ROR1: variants seen among roughly 807,000 people sequenced by gnomAD.
ROR1 encodes inactive tyrosine-protein kinase transmembrane receptor ROR1.
Under a neutral mutation model 78.8 loss-of-function variants are expected in ROR1, and 19 were observed. The observed-to-expected ratio is 0.24, with a 90% CI of 0.17 to 0.35. The LOEUF is 0.35. Ranked by LOEUF, ROR1 falls within the 10% of genes least tolerant of loss-of-function variation. The pLI is 1.00. For synonymous variants in ROR1, 386 were observed against 433.6 expected (o/e 0.89, Z 1.36); for missense variants, 917 against 1,177.8 (o/e 0.78, Z 3.24).
chr1:63,932,744 G>A (rs1479525652), intron 1 of ROR1, among the ~76,000 whole-genome samples: 1 of 152,216 alleles, frequency 6.6e-6, no homozygotes, highest in African/African-American at 2.4e-5. Context: ...AAGTGACAGA[G>A]GCAGGATTTG....
intron 2 of ROR1, 36 bp downstream of exon 2, chr1:64,009,412 G>A: frequency 6.6e-7 from 1 of 1,504,566 alleles, no homozygotes; most frequent in East Asian, 2.3e-5. Context: ...GGCGAGGAAA[G>A]AGGTGTGGAA....
intron 1 of ROR1, among the ~76,000 whole-genome samples, chr1:63,975,305 C>T (rs1039260959): frequency 2.6e-5 from 4 of 152,072 alleles, no homozygotes; most frequent in East Asian, 3.9e-4. Flanking sequence ...TACTATAGTT[C>T]GATGGTACGA....
At chr1:63,919,724 A>G (rs1199181348) in intron 1 of ROR1, among the ~76,000 whole-genome samples, 1 of 152,152 alleles carries the variant, frequency 6.6e-6, no homozygotes, top group Non-Finnish European at 1.5e-5. Flanking sequence ...GGATCATAAT[A>G]GTGCCGCCGT....
chr1:64,028,414 G>A (rs893244762), intron 2 of ROR1, among the ~76,000 whole-genome samples: 4 of 152,266 alleles, frequency 2.6e-5, no homozygotes, highest in African/African-American at 4.8e-5. Flanking sequence ...ATGCATGGGC[G>A]TTTGCTAAAT....
At chr1:63,861,897 C>T (rs545873418) in intron 1 of ROR1, among the ~76,000 whole-genome samples, 1 of 152,172 alleles carries the variant, frequency 6.6e-6, no homozygotes, top group South Asian at 2.1e-4. Context: ...GACGCCTTTC[C>T]TGACAAGTCT....
chr1:63,915,320 T>C (rs1645600753), intron 1 of ROR1, among the ~76,000 whole-genome samples: 2 of 152,290 alleles, frequency 1.3e-5, no homozygotes, highest in Admixed American at 1.3e-4. Context: ...AGGCAGTCAC[T>C]GCCCCCTGGT....
chr1:63,947,597 G>A (rs1645900681), intron 1 of ROR1, among the ~76,000 whole-genome samples: 1 of 152,128 alleles, frequency 6.6e-6, no homozygotes, highest in African/African-American at 2.4e-5. Context: ...TCAACCAAGA[G>A]GGCTTACTGT....
At position 63,889,585 on chromosome 1, in the gene ROR1, G is replaced by A. The variant is rs759066671; in HGVS notation, c.91+115077G>A. ...CTAGCATGTTTCTGAGGGTGCCCCCGGATGGCTGTTTGCTCACAGATACCT... is the reference window on the plus strand; with the variant it reads ...CTAGCATGTTTCTGAGGGTGCCCCCAGATGGCTGTTTGCTCACAGATACCT... On this transcript the variant is annotated intron_variant, in intron 1 of 8. Coordinates refer to ENST00000371079, the MANE Select transcript of ROR1 (RefSeq NM_005012.4). 4.9e-5 allele frequency among the ~76,000 whole-genome samples: 7 copies of A among 144,034 alleles called. No homozygotes were observed. The South Asian group carries it at 1.0e-3, about 21-fold the overall frequency. 94.5% of individuals were successfully genotyped at this position (144,034 alleles called of 152,430 possible).
chr1:64,163,727 T>C (rs1650010512), intron 8 of ROR1, among the ~76,000 whole-genome samples: 1 of 152,194 alleles, frequency 6.6e-6, no homozygotes, highest in African/African-American at 2.4e-5. Context: ...TGAAATTTGA[T>C]TACATTCTCT....
chr1:63,834,814 G>A (rs1026929684), intron 1 of ROR1, among the ~76,000 whole-genome samples: 2 of 152,016 alleles, frequency 1.3e-5, no homozygotes, highest in Non-Finnish European at 2.9e-5. Flanking sequence ...CGTTGGGCTC[G>A]CCTGAACTTG....
chr1:63,883,989 T>G (rs939060506), intron 1 of ROR1, among the ~76,000 whole-genome samples: 5 of 152,194 alleles, frequency 3.3e-5, no homozygotes, highest in Non-Finnish European at 7.3e-5. Context: ...CTGTTTACAT[T>G]GCCAAGCATG....
chr1:64,069,504 C>G (rs1248202263), intron 4 of ROR1, among the ~76,000 whole-genome samples: 1 of 143,272 alleles, frequency 7.0e-6, no homozygotes, highest in South Asian at 2.2e-4. Context: ...ACTACATTTC[C>G]TCTTGGGTTA....
intron 2 of ROR1, among the ~76,000 whole-genome samples, chr1:64,043,128 C>T (rs548221271): frequency 6.6e-6 from 1 of 152,232 alleles, no homozygotes; most frequent in Non-Finnish European, 1.5e-5. Flanking sequence ...TTTCTCTCAC[C>T]TGTCAAAATG....
At chr1:63,918,892 A>G (rs1369357175) in intron 1 of ROR1, among the ~76,000 whole-genome samples, 1 of 152,206 alleles carries the variant, frequency 6.6e-6, no homozygotes, top group African/African-American at 2.4e-5. Context: ...CCGCGAGACA[A>G]TGACCAGCAT....
In ROR1 at chr1:63,774,092, GC is replaced by G; in HGVS notation, c.-322del. 5.9e-6 allele frequency: 1 copy of G among 169,476 alleles called. No individual in the cohort carries two copies. Among genetic ancestry groups the G allele is most frequent in the South Asian group, 1.9e-4 (1 of 5,400 alleles). 10.5% of individuals were successfully genotyped at this position (169,476 alleles called of 1,614,324 possible). A position where few individuals can be genotyped will look rare whatever the true frequency, so the allele number is the denominator to read the frequency against. On this transcript the variant is annotated 5_prime_UTR_variant, in exon 1 of 9. Transcript: ENST00000371079. The surrounding 1 kb of genome is among the most constrained non-coding windows in gnomAD (Gnocchi z 5.7). ...CCGCCGAGGGAGCCCCGGGACGGCA[GC>G]CCCTGGGCGCAGGGTGCGCTGTTCT... is the stretch of plus-strand genomic sequence containing the variant.
intron 1 of ROR1, among the ~76,000 whole-genome samples, chr1:63,929,299 TG>T (rs1003839488): frequency 2.0e-5 from 3 of 152,226 alleles, no homozygotes; most frequent in African/African-American, 7.2e-5. Context: ...ACAAGCAAGC[TG>T]GGAAATAGAC....
At chr1:64,022,441 A>C (rs879276726) in intron 2 of ROR1, among the ~76,000 whole-genome samples, 3 of 152,250 alleles carry the variant, frequency 2.0e-5, no homozygotes, top group Non-Finnish European at 4.4e-5. Context: ...TAAATAAACA[A>C]AACAGTCACA....
chr1:64,123,843 G>A (rs1648625596), intron 4 of ROR1, among the ~76,000 whole-genome samples: 1 of 152,044 alleles, frequency 6.6e-6, no homozygotes, highest in Non-Finnish European at 1.5e-5. Context: ...CTGAAAATGT[G>A]CATACCTTTT....
intron 7 of ROR1, among the ~76,000 whole-genome samples, chr1:64,149,723 C>T (rs1649568381): frequency 6.6e-6 from 1 of 152,222 alleles, no homozygotes; most frequent in Non-Finnish European, 1.5e-5. Context: ...TTGTGGTCAC[C>T]TTCCAAGTCA....
Sources: gnomAD v4.1 joint callset for allele counts (sites outside exome capture counted in the v4.1 genomes callset) on GRCh38, gnomAD v4.1.1 for gene constraint, Gnocchi (gnomAD v3.1) non-coding constraint, MANE v1.5 for transcripts, NCBI Gene and HGNC (gene_info 2026-07-23, HGNC 2026-07-21) for gene names.